ITGB8: variants seen among roughly 807,000 people sequenced by gnomAD.
ITGB8 encodes the protein integrin beta-8.
Under a neutral mutation model 89.5 loss-of-function variants are expected in ITGB8, and 30 were observed. The ratio of observed to expected loss-of-function variants is 0.34; its 90% CI spans 0.25 to 0.45. ITGB8 has a LOEUF of 0.45. Among genes scored for constraint, ITGB8 ranks in the 20% least tolerant of loss-of-function variants. The pLI, the probability that ITGB8 is intolerant of heterozygous loss-of-function variation, is 1.00. For synonymous variants in ITGB8, 335 were observed against 320.4 expected, an observed-to-expected ratio of 1.05 and a Z score of -0.49; for missense variants, 836 against 933.3, an observed-to-expected ratio of 0.90 and a Z score of 1.36.
rs1787767034 is a variant in ITGB8 at position 20,411,680 on chromosome 7, A to G, written c.*1683A>G. ...TTACTCATGTCTTAAGTGTATGAGG[A>G]AAGTTCAAAGCAAAATAGAAAGGAA... On this transcript the variant is annotated 3_prime_UTR_variant, in exon 14 of 14. Coordinates refer to ENST00000222573, the MANE Select transcript of ITGB8 (RefSeq NM_002214.3). 1 of 152,670 alleles carries G rather than the reference A, an allele frequency of 6.6e-6. No individual in the cohort carries two copies. The highest frequency in any genetic ancestry group is 1.5e-5 in the Non-Finnish European group (1 of 68,034). The allele number at this position is 152,670 out of a possible 1,614,324, so 9.5% of individuals were successfully genotyped here. A position where few individuals can be genotyped will look rare whatever the true frequency, so the allele number is the denominator to read the frequency against.
At chr7:20,389,061 C>G (rs539991430) in intron 6 of ITGB8, among the ~76,000 whole-genome samples, 18 of 152,178 alleles carry the variant, frequency 1.2e-4, no homozygotes, top group Middle Eastern at 6.8e-3. Flanking sequence ...GGGTTGGTTC[C>G]AAGTCTTTGC....
chr7:20,360,128 G>A (rs1785443884), intron 1 of ITGB8, among the ~76,000 whole-genome samples: 1 of 152,078 alleles, frequency 6.6e-6, no homozygotes, highest in Non-Finnish European at 1.5e-5. Context: ...TGAGATTAGA[G>A]ATGGGAACTA....
intron 1 of ITGB8, among the ~76,000 whole-genome samples, chr7:20,336,714 G>A (rs1437086952): frequency 1.3e-5 from 2 of 152,068 alleles, no homozygotes; most frequent in Non-Finnish European, 2.9e-5. Flanking sequence ...TTGTCTTCAG[G>A]CTCCTCATAC....
intron 1 of ITGB8, among the ~76,000 whole-genome samples, chr7:20,341,553 G>A (rs994642970): frequency 2.0e-5 from 3 of 152,180 alleles, no homozygotes; most frequent in Admixed American, 6.5e-5. Flanking sequence ...TTGATGCCTT[G>A]TAAAGAAGGT....
intron 1 of ITGB8, among the ~76,000 whole-genome samples, chr7:20,336,312 G>C (rs1358295446): frequency 2.6e-5 from 4 of 152,214 alleles, no homozygotes; most frequent in South Asian, 2.1e-4. Flanking sequence ...GCCCAGTCTT[G>C]TGTCTTAAAT....
intron 1 of ITGB8, among the ~76,000 whole-genome samples, chr7:20,356,954 T>A (rs1014471502): frequency 1.3e-5 from 2 of 152,164 alleles, no homozygotes; most frequent in African/African-American, 4.8e-5. Flanking sequence ...ATAATATGAA[T>A]GAATGGCATC....
chr7:20,403,787 G>GGA (rs5882741), intron 10 of ITGB8, among the ~76,000 whole-genome samples: 141,378 of 151,822 alleles, frequency 0.93, 65,929 homozygotes, highest in East Asian at 0.99. Context: ...AGGAAGGAAG[G>GGA]GAGAGGGAGA....
chr7:20,402,428 T>C (rs1787352425), intron 10 of ITGB8, among the ~76,000 whole-genome samples: 2 of 152,240 alleles, frequency 1.3e-5, no homozygotes, highest in South Asian at 4.1e-4. Context: ...GCTGATGATA[T>C]CTGACACATT....
intron 3 of ITGB8, among the ~76,000 whole-genome samples, chr7:20,370,605 T>TATTATC (rs1443565727): frequency 8.1e-5 from 12 of 148,338 alleles, no homozygotes; most frequent in Non-Finnish European, 1.5e-4. Context: ...ACTTATTTAT[T>TATTATC]ATTATTATTA....
At chr7:20,338,714 C>A (rs1048411779) in intron 1 of ITGB8, among the ~76,000 whole-genome samples, 1 of 152,116 alleles carries the variant, frequency 6.6e-6, no homozygotes, top group African/African-American at 2.4e-5. Context: ...ATAAGGTAGT[C>A]TGGTAGTCTT....
intron 1 of ITGB8, among the ~76,000 whole-genome samples, chr7:20,348,449 A>T (rs1785000410): frequency 6.6e-6 from 1 of 152,212 alleles, no homozygotes; most frequent in Admixed American, 6.5e-5. Context: ...CTTCTGTCTC[A>T]GCCTCTGGCT....
At chr7:20,337,394 C>A (rs1407820945) in intron 1 of ITGB8, among the ~76,000 whole-genome samples, 1 of 152,194 alleles carries the variant, frequency 6.6e-6, no homozygotes, top group Non-Finnish European at 1.5e-5. Context: ...TTCAGACTTT[C>A]TTAAAGCACA....
intron 1 of ITGB8, among the ~76,000 whole-genome samples, chr7:20,350,106 T>G (rs1178637619): frequency 6.6e-6 from 1 of 152,192 alleles, no homozygotes; most frequent in African/African-American, 2.4e-5. Context: ...GCCCCTTTTT[T>G]AAAAAACAAA....
In ITGB8 at chr7:20,414,653, T is replaced by A. The variant is rs1171935213; in HGVS notation, c.*4656T>A. ...CTTACTTTTTATTCTTCTTTATCAT[T>A]TGTGGGTTTTTCCCCCTTGGCTCTG... On this transcript the variant is annotated 3_prime_UTR_variant, in exon 14 of 14. Coordinates refer to ENST00000222573, the MANE Select transcript of ITGB8 (RefSeq NM_002214.3). The A allele has an allele frequency of 6.6e-6, 1 of 152,548 alleles. No homozygotes were observed. The highest frequency in any genetic ancestry group is 1.5e-5 in the Non-Finnish European group (1 of 67,978). 9.4% of individuals were successfully genotyped at this position (152,548 alleles called of 1,614,324 possible). A position where few individuals can be genotyped will look rare whatever the true frequency, so the allele number is the denominator to read the frequency against.
At position 20,412,760 on chromosome 7, in the gene ITGB8, G is replaced by A. The variant is rs1416299463; in HGVS notation, c.*2763G>A. 1 of 152,478 alleles carries A rather than the reference G, an allele frequency of 6.6e-6. No homozygotes were observed. The highest frequency in any genetic ancestry group is 1.9e-4 in the East Asian group (1 of 5,196). 9.4% of individuals were successfully genotyped at this position (152,478 alleles called of 1,614,324 possible). A position where few individuals can be genotyped will look rare whatever the true frequency, so the allele number is the denominator to read the frequency against. Reference sequence around the variant, plus strand: ...TTACTTGAATAATTGATATCTTCCTGTGTAATGATTTGTGAGATGAGAATT... The same window carrying A: ...TTACTTGAATAATTGATATCTTCCTATGTAATGATTTGTGAGATGAGAATT... On this transcript the variant is annotated 3_prime_UTR_variant, in exon 14 of 14. Transcript: ENST00000222573.
intron 9 of ITGB8, among the ~76,000 whole-genome samples, chr7:20,400,509 C>T (rs1787263985): frequency 6.6e-6 from 1 of 151,954 alleles, no homozygotes; most frequent in Non-Finnish European, 1.5e-5. Context: ...ATTATTATAT[C>T]GTAGATATAT....
rs140806408 is a variant in ITGB8 at position 20,374,668 on chromosome 7, T to C, written c.389-4383T>C. On this transcript the variant is annotated intron_variant, in intron 3 of 13. Coordinates refer to ENST00000222573, the MANE Select transcript of ITGB8 (RefSeq NM_002214.3). ...TGGTAATTACATGAAGAAGAAGAGG[T>C]TGGGCCACCACAGGCAGAGGAAGGA... is the stretch of plus-strand genomic sequence containing the variant. 4.7e-3 allele frequency among the ~76,000 whole-genome samples: 718 copies of C among 152,072 alleles called. 8 individuals are homozygous for C. The highest frequency in any genetic ancestry group is 0.016 in the African/African-American group (674 of 41,482).
At chr7:20,370,207 C>T (rs1785871894) in intron 3 of ITGB8, among the ~76,000 whole-genome samples, 2 of 151,588 alleles carry the variant, frequency 1.3e-5, no homozygotes, top group Non-Finnish European at 2.9e-5. Flanking sequence ...GTTGGCAAAT[C>T]TAATTAAGAA....
intron 1 of ITGB8, among the ~76,000 whole-genome samples, chr7:20,348,596 A>G (rs1210174207): frequency 2.0e-5 from 3 of 152,188 alleles, no homozygotes; most frequent in African/African-American, 4.8e-5. Flanking sequence ...GAGATTCCTA[A>G]TGGCTCTGTC....
Sources: gnomAD v4.1 joint callset for allele counts (sites outside exome capture counted in the v4.1 genomes callset) on GRCh38, gnomAD v4.1.1 for gene constraint, MANE v1.5 for transcripts, NCBI Gene and HGNC (gene_info 2026-07-23, HGNC 2026-07-21) for gene names.